DNAH9: variants seen among roughly 807,000 people sequenced by gnomAD.
DNAH9 encodes the protein DNAH9 variant protein.
Under a neutral mutation model 471.6 loss-of-function variants are expected in DNAH9, and 345 were observed. The ratio of observed to expected loss-of-function variants is 0.73; its 90% CI spans 0.67 to 0.80. The LOEUF is 0.80. Ranked by LOEUF, DNAH9 falls within the 30% of genes least tolerant of loss-of-function variation. The pLI is 0.00. For missense variants in DNAH9, 5,407 were observed against 5,609.2 expected, an observed-to-expected ratio of 0.96 and a Z score of 1.15; for synonymous variants, 2,093 against 2,123.6, an observed-to-expected ratio of 0.99 and a Z score of 0.40.
At position 11,769,231 on chromosome 17, in the gene DNAH9, C is replaced by T. The variant is rs1230926368; in HGVS notation, c.7454C>T (p.Ser2485Leu). The T allele has an allele frequency of 2.5e-6, 4 of 1,613,986 alleles. No homozygotes were observed. Among genetic ancestry groups the T allele is most frequent in the South Asian group, 1.1e-5 (1 of 91,078 alleles). The stretch of plus-strand genomic sequence containing the variant: ...GTGGGCACGGCTGGCACTGGCAAGT[C>T]GGTGCTGGTGGGAGCTAAGCTGGCC... ...MLVGTAGTGK[S>L]VLVGAKLASL... The change falls in exon 38 of 69, where the codon TCG (serine) becomes TTG (leucine). Residue 2485 changes from serine (S) to leucine (L), a missense_variant. Transcript: ENST00000262442.
intron 57 of DNAH9, among the ~76,000 whole-genome samples, chr17:11,891,556 C>A (rs1245385263): frequency 6.6e-6 from 1 of 152,082 alleles, no homozygotes; most frequent in Non-Finnish European, 1.5e-5. Flanking sequence ...GTAGAAACAG[C>A]GTTTCACCAT....
intron 57 of DNAH9, among the ~76,000 whole-genome samples, chr17:11,888,045 C>A (rs529998664): frequency 6.6e-6 from 1 of 151,074 alleles, no homozygotes; most frequent in African/African-American, 2.4e-5. Context: ...TGCAGAGGCG[C>A]GATCTCGGCT....
At chr17:11,954,467 A>C (rs1420899947) in intron 67 of DNAH9, among the ~76,000 whole-genome samples, 1 of 152,102 alleles carries the variant, frequency 6.6e-6, no homozygotes, top group Non-Finnish European at 1.5e-5. Flanking sequence ...AAAGGATCAA[A>C]GAAAAGAATG....
intron 20 of DNAH9, among the ~76,000 whole-genome samples, chr17:11,691,792 T>G (rs78573172): frequency 0.011 from 1,642 of 152,232 alleles, 32 homozygotes; most frequent in African/African-American, 0.038. Flanking sequence ...TGCCCTCTTG[T>G]GTTTTTTTGT....
At chr17:11,652,667 C>T (rs562676122) in intron 13 of DNAH9, 94 bp from the exon 14 acceptor site, 15 of 1,177,498 alleles carry the variant, frequency 1.3e-5, no homozygotes, top group South Asian at 2.9e-5. Context: ...TTATAACACT[C>T]GCAAGTATTA....
At chr17:11,964,488 T>C (rs114428093) in intron 68 of DNAH9, among the ~76,000 whole-genome samples, 1,640 of 152,284 alleles carry the variant, frequency 0.011, 33 homozygotes, top group African/African-American at 0.038. Flanking sequence ...AAAGCTGTTG[T>C]TCTCAAAGGT....
intron 61 of DNAH9, among the ~76,000 whole-genome samples, chr17:11,912,589 A>G (rs1262734550): frequency 6.6e-6 from 1 of 152,112 alleles, no homozygotes; most frequent in Admixed American, 6.5e-5. Flanking sequence ...TCTTTATTCT[A>G]TTAATATTGT....
rs1405628566 is a variant in DNAH9, at chr17:11,854,310, T to C, written c.9815T>C (p.Ile3272Thr). ...GGCCTCTGCTCCTGGGTCATCAATA[T>C]TGTGAGATTTTATGAGGTGTTCTGT... The part of the protein sequence containing the change: ...AAGLCSWVIN[I>T]VRFYEVFCDV... The change falls in exon 50 of 69, where the codon ATT becomes ACT. Residue 3272 changes from isoleucine to threonine, a missense_variant. By Grantham distance (89) the Ile-to-Thr change is moderately conservative. This residue lies in a region of DNAH9 where 4,636 missense variants were observed against 4,900.3 expected (regional missense o/e 0.95). Transcript: ENST00000262442. The C allele has an allele frequency of 1.2e-6, 2 of 1,613,982 alleles. No homozygotes were observed. The highest frequency in any genetic ancestry group is 8.5e-7 in the Non-Finnish European group (1 of 1,180,026).
At position 11,937,119 on chromosome 17, in the gene DNAH9, G is replaced by A. The variant is rs1483335045; in HGVS notation, c.12490-233G>A. Among the ~76,000 whole-genome samples, 10 of 151,788 alleles carry A rather than the reference G, an allele frequency of 6.6e-5. No individual in the cohort carries two copies. Among genetic ancestry groups the A allele is most frequent in the Non-Finnish European group, 1.5e-4 (10 of 67,752 alleles). ...AGTCATCTAAGCCTCCCAGAAAAAA[G>A]AGAATGATAGAATGAATGTGGAAGT... On this transcript the variant is annotated intron_variant, in intron 65 of 68. Coordinates refer to ENST00000262442, the MANE Select transcript of DNAH9 (RefSeq NM_001372.4). The surrounding 1 kb of genome is among the most constrained non-coding windows in gnomAD (Gnocchi z 4.1).
At chr17:11,869,725 C>G (rs1025293834) in intron 51 of DNAH9, among the ~76,000 whole-genome samples, 1 of 152,186 alleles carries the variant, frequency 6.6e-6, no homozygotes, top group Admixed American at 6.5e-5. Flanking sequence ...CATGCTCCGG[C>G]CTTCCTGGGA....
intron 59 of DNAH9, among the ~76,000 whole-genome samples, chr17:11,901,998 C>T (rs1973433398): frequency 6.6e-6 from 1 of 152,136 alleles, no homozygotes; most frequent in Admixed American, 6.5e-5. Context: ...ACAATCGTGA[C>T]CAGCACAAGA....
intron 41 of DNAH9, among the ~76,000 whole-genome samples, chr17:11,788,295 T>C (rs770085699): frequency 2.0e-5 from 3 of 152,170 alleles, no homozygotes; most frequent in Non-Finnish European, 2.9e-5. Context: ...AATAAACATC[T>C]GGGTAGAGCC....
chr17:11,641,676 C>T (rs541685186), intron 10 of DNAH9, among the ~76,000 whole-genome samples: 1 of 152,106 alleles, frequency 6.6e-6, no homozygotes, highest in East Asian at 2.0e-4. Context: ...AATCACGCAG[C>T]AGAAGGCAGA....
At chr17:11,900,058 T>G (rs1973354534) in intron 59 of DNAH9, among the ~76,000 whole-genome samples, 1 of 151,078 alleles carries the variant, frequency 6.6e-6, no homozygotes, top group Non-Finnish European at 1.5e-5. Context: ...CATAACAGTA[T>G]GAGATATGGC....
chr17:11,921,822 C>T (rs751726243), intron 61 of DNAH9, among the ~76,000 whole-genome samples: 2 of 152,168 alleles, frequency 1.3e-5, no homozygotes, highest in African/African-American at 2.4e-5. Context: ...TGATCCCAGC[C>T]GGGCTCTGCA....
intron 56 of DNAH9, among the ~76,000 whole-genome samples, chr17:11,885,426 C>T (rs1027118688): frequency 2.0e-5 from 3 of 152,196 alleles, no homozygotes; most frequent in African/African-American, 7.2e-5. Context: ...TGGGCTACGT[C>T]CTGATGGGCA....
chr17:11,779,088 G>A (rs1245258450), intron 38 of DNAH9, among the ~76,000 whole-genome samples: 1 of 152,126 alleles, frequency 6.6e-6, no homozygotes, highest in African/African-American at 2.4e-5. Flanking sequence ...ATTCACCCTG[G>A]TGCAGCAGCT....
At chr17:11,598,951 TGGGTGGGGGAG>T in intron 1 of DNAH9, 36 bp downstream of exon 1, 1 of 877,962 alleles carries the variant, frequency 1.1e-6, no homozygotes, top group Non-Finnish European at 1.3e-6. Flanking sequence ...CGGCTAAAGC[TGGGTGGGGGAG>T]GGGAGGAGGA....
chr17:11,734,671 A>G (rs2075317518), intron 28 of DNAH9, among the ~76,000 whole-genome samples: 1 of 152,202 alleles, frequency 6.6e-6, no homozygotes. Context: ...GGCCTTTTCC[A>G]GGACCCAGAC....
Sources: allele counts gnomAD v4.1 joint callset (sites outside exome capture counted in the v4.1 genomes callset), GRCh38; gene constraint gnomAD v4.1.1; regional missense constraint gnomAD v4.1.1; non-coding constraint Gnocchi (gnomAD v3.1); transcripts MANE v1.5; gene names NCBI Gene and HGNC (gene_info 2026-07-23, HGNC 2026-07-21).